FBXL7: variants seen among roughly 807,000 people sequenced by gnomAD.
FBXL7 encodes the protein F-box and leucine rich repeat protein 7.
Under a neutral mutation model 38.3 loss-of-function variants are expected in FBXL7, and 12 were observed. The observed-to-expected ratio is 0.31, with a 90% CI of 0.20 to 0.51. The LOEUF is 0.51. Ranked by LOEUF, FBXL7 falls within the 20% of genes least tolerant of loss-of-function variation. The probability of loss-of-function intolerance (pLI) is 0.98; values close to 1 mark genes in which losing one functional copy is unlikely to be tolerated. For synonymous variants in FBXL7, 297 were observed against 300.9 expected (o/e 0.99, Z 0.13); for missense variants, 567 against 676.4 (o/e 0.84, Z 1.79).
At chr5:15,900,227 C>T (rs146285017) in intron 2 of FBXL7, among the ~76,000 whole-genome samples, 69 of 152,302 alleles carry the variant, frequency 4.5e-4, no homozygotes, top group Middle Eastern at 3.4e-3. Context: ...CCTGAGGTTA[C>T]AGGACAGCAT....
intron 2 of FBXL7, among the ~76,000 whole-genome samples, chr5:15,892,120 C>G (rs564002169): frequency 1.3e-5 from 2 of 152,342 alleles, no homozygotes; most frequent in East Asian, 3.9e-4. Flanking sequence ...GCACAAAGCG[C>G]AGAGCACAGA....
At chr5:15,520,978 C>T (rs1737082122) in intron 1 of FBXL7, among the ~76,000 whole-genome samples, 1 of 152,148 alleles carries the variant, frequency 6.6e-6, no homozygotes, top group Non-Finnish European at 1.5e-5. Flanking sequence ...ACAAGAAGCC[C>T]AGGTACCGAA....
At chr5:15,781,633 G>A (rs1474904140) in intron 2 of FBXL7, among the ~76,000 whole-genome samples, 1 of 151,980 alleles carries the variant, frequency 6.6e-6, no homozygotes, top group African/African-American at 2.4e-5. Context: ...GGGAGAAAAG[G>A]GAGCATTCAA....
intron 2 of FBXL7, among the ~76,000 whole-genome samples, chr5:15,784,530 TC>T (rs1737083055): frequency 6.6e-6 from 1 of 151,544 alleles, no homozygotes; most frequent in African/African-American, 2.4e-5. Flanking sequence ...TGAAATGTAA[TC>T]CCCAGTGTTA....
At chr5:15,818,974 G>A (rs1738096867) in intron 2 of FBXL7, among the ~76,000 whole-genome samples, 1 of 152,008 alleles carries the variant, frequency 6.6e-6, no homozygotes, top group African/African-American at 2.4e-5. Flanking sequence ...CTCTAGTGTT[G>A]TTTATCGTTA....
intron 2 of FBXL7, among the ~76,000 whole-genome samples, chr5:15,838,691 TTCTTGG>T (rs1738656568): frequency 6.6e-6 from 1 of 152,146 alleles, no homozygotes; most frequent in Non-Finnish European, 1.5e-5. Flanking sequence ...TACCCTTGAT[TTCTTGG>T]TCTTTCTCTA....
At chr5:15,843,083 T>G (rs1416841449) in intron 2 of FBXL7, among the ~76,000 whole-genome samples, 2 of 152,214 alleles carry the variant, frequency 1.3e-5, no homozygotes, top group Non-Finnish European at 2.9e-5. Flanking sequence ...TTTTAGGTGA[T>G]TCTCTATATA....
At chr5:15,702,287 G>T (rs1356545116) in intron 2 of FBXL7, among the ~76,000 whole-genome samples, 1 of 151,296 alleles carries the variant, frequency 6.6e-6, no homozygotes, top group East Asian at 1.9e-4. Context: ...ACTCAGAACT[G>T]AAGGCTGTCA....
At chr5:15,810,574 A>C (rs1194855958) in intron 2 of FBXL7, among the ~76,000 whole-genome samples, 2 of 151,430 alleles carry the variant, frequency 1.3e-5, no homozygotes, top group Admixed American at 6.6e-5. Context: ...AAAAAAAAAA[A>C]AGTATAAAAC....
At chr5:15,757,196 A>G (rs1239536816) in intron 2 of FBXL7, among the ~76,000 whole-genome samples, 1 of 152,138 alleles carries the variant, frequency 6.6e-6, no homozygotes, top group African/African-American at 2.4e-5. Flanking sequence ...ATCCTTTCAT[A>G]GGAGAGAGAG....
At chr5:15,860,887 T>C (rs1739445920) in intron 2 of FBXL7, among the ~76,000 whole-genome samples, 1 of 152,076 alleles carries the variant, frequency 6.6e-6, no homozygotes, top group African/African-American at 2.4e-5. Context: ...TCCAAAGAGG[T>C]TAAGTATCTT....
At chr5:15,667,316 A>G (rs1230462733) in intron 2 of FBXL7, among the ~76,000 whole-genome samples, 2 of 152,298 alleles carry the variant, frequency 1.3e-5, no homozygotes, top group East Asian at 1.9e-4. Context: ...AATCAGCTTT[A>G]CTGTCTGAAG....
chr5:15,775,807 G>A (rs552481285), intron 2 of FBXL7, among the ~76,000 whole-genome samples: 6 of 152,144 alleles, frequency 3.9e-5, no homozygotes, highest in Non-Finnish European at 8.8e-5. Flanking sequence ...TCAAGGCAAC[G>A]TCATTGCAGT....
chr5:15,638,132 G>A (rs1580425921), intron 2 of FBXL7, among the ~76,000 whole-genome samples: 1 of 152,244 alleles, frequency 6.6e-6, no homozygotes, highest in East Asian at 1.9e-4. Context: ...GCAAAGGAAG[G>A]AGAACAATAA....
intron 1 of FBXL7, among the ~76,000 whole-genome samples, chr5:15,560,809 T>C (rs2126436834): frequency 6.6e-6 from 1 of 152,316 alleles, no homozygotes; most frequent in South Asian, 2.1e-4. Context: ...GATTTTGTTG[T>C]GCTCATTCCA....
chr5:15,881,045 C>T lies in FBXL7; in HGVS notation c.128-46845C>T, dbSNP rs376520000. Among the ~76,000 whole-genome samples the T allele has an allele frequency of 1.2e-4, 19 of 152,038 alleles. 1 individual carries two copies. Among genetic ancestry groups the T allele is most frequent in the African/African-American group, 3.6e-4 (15 of 41,466 alleles). On this transcript the variant is annotated intron_variant, in intron 2 of 3. Coordinates refer to ENST00000504595, the MANE Select transcript of FBXL7 (RefSeq NM_012304.5). ...CTTTTTAAATTTTTAAAATATTTTA[C>T]TTATTTTATTTTGTTTTTTGGGAAC...
intron 2 of FBXL7, among the ~76,000 whole-genome samples, chr5:15,702,235 CAAAA>C (rs34269968): frequency 3.6e-5 from 5 of 137,106 alleles, no homozygotes; most frequent in Admixed American, 7.3e-5. Flanking sequence ...AGACTCCTCT[CAAAA>C]AAAAAAAAAA....
chr5:15,926,129 G>A (rs1293180804), intron 2 of FBXL7, among the ~76,000 whole-genome samples: 3 of 152,018 alleles, frequency 2.0e-5, no homozygotes, highest in South Asian at 2.1e-4. Flanking sequence ...CTTATGGCCC[G>A]AAAACCCCAT....
At chr5:15,742,840 G>T (rs1387243177) in intron 2 of FBXL7, among the ~76,000 whole-genome samples, 2 of 152,130 alleles carry the variant, frequency 1.3e-5, no homozygotes, top group African/African-American at 4.8e-5. Flanking sequence ...GTGGCCTCAG[G>T]ATACTTACAA....
Sources: gnomAD v4.1 joint callset for allele counts (sites outside exome capture counted in the v4.1 genomes callset) on GRCh38, gnomAD v4.1.1 for gene constraint, MANE v1.5 for transcripts, NCBI Gene and HGNC (gene_info 2026-07-23, HGNC 2026-07-21) for gene names.